Variants in ATP11A observed in about 807,000 individuals in gnomAD.
ATP11A encodes phospholipid-transporting ATPase IH.
In ATP11A, 81 loss-of-function variants were observed where a neutral mutation model predicts 154.4. The ratio of observed to expected loss-of-function variants is 0.52; its 90% CI spans 0.44 to 0.63. The LOEUF is 0.63. Among genes scored for constraint, ATP11A ranks in the 30% least tolerant of loss-of-function variants. The probability of loss-of-function intolerance (pLI) is 0.00; values close to 1 mark genes in which losing one functional copy is unlikely to be tolerated. For synonymous variants in ATP11A, 623 were observed against 585.9 expected (o/e 1.06, Z -0.91); for missense variants, 1,316 against 1,474.3 (o/e 0.89, Z 1.76).
intron 15 of ATP11A, 65 bp from the exon 16 acceptor site, chr13:112,836,113 A>G: frequency 8.1e-7 from 1 of 1,227,748 alleles, no homozygotes; most frequent in Non-Finnish European, 1.2e-6. Context: ...AGAGCTCCAC[A>G]GTTACCAGAT....
chr13:112,826,721 G>A lies in ATP11A; in HGVS notation c.1051G>A (p.Ala351Thr), dbSNP rs757961530. ...CCTCAAGGCATTCACGGACTTCCTG[G>A]CCTTCATGGTCCTCTTTAACTACAT... ...LFLKAFTDFL[A>T]FMVLFNYIIP... The change falls in exon 12 of 30, where the codon GCC becomes ACC. Residue 351 changes from alanine to threonine, a missense_variant. Ala to Thr is a moderately conservative substitution (Grantham distance 58). This residue lies in a region of ATP11A where 876 missense variants were observed against 1,006.8 expected (regional missense o/e 0.87). Coordinates refer to ENST00000375645, the MANE Select transcript of ATP11A (RefSeq NM_015205.3). The A allele has an allele frequency of 6.2e-7, 1 of 1,614,160 alleles. No homozygotes were observed. The highest frequency in any genetic ancestry group is 8.5e-7 in the Non-Finnish European group (1 of 1,180,046).
At chr13:112,782,458 C>G (rs1488576661) in intron 1 of ATP11A, among the ~76,000 whole-genome samples, 1 of 152,118 alleles carries the variant, frequency 6.6e-6, no homozygotes, top group Non-Finnish European at 1.5e-5. Flanking sequence ...CACTTATATT[C>G]TTATTCAGTG....
chr13:112,823,271 C>T (rs760797953), intron 8 of ATP11A, 74 bp from the exon 9 acceptor site: 73 of 1,127,950 alleles, frequency 6.5e-5, no homozygotes, highest in Middle Eastern at 4.0e-4. Flanking sequence ...GTGGGTTTCA[C>T]GTCTGCCTCT....
At chr13:112,737,267 A>G (rs1891087051) in intron 1 of ATP11A, among the ~76,000 whole-genome samples, 2 of 152,296 alleles carry the variant, frequency 1.3e-5, no homozygotes, top group South Asian at 2.1e-4. Flanking sequence ...CACAGTCACA[A>G]CAGGGGCATC....
chr13:112,770,845 C>T (rs2094811), intron 1 of ATP11A, among the ~76,000 whole-genome samples: 11,807 of 152,238 alleles, frequency 0.078, 1,528 homozygotes, highest in African/African-American at 0.27. Context: ...ATCTTCTGAC[C>T]ATCAAACAAG....
chr13:112,758,917 G>A (rs1242739409), intron 1 of ATP11A, among the ~76,000 whole-genome samples: 1 of 152,216 alleles, frequency 6.6e-6, no homozygotes, highest in East Asian at 1.9e-4. Context: ...ATCGGCTTTA[G>A]AACGTACAGT....
intron 1 of ATP11A, among the ~76,000 whole-genome samples, chr13:112,705,998 T>C (rs1227097054): frequency 2.6e-5 from 4 of 152,222 alleles, no homozygotes; most frequent in Non-Finnish European, 5.9e-5. Context: ...TCCAGATCTT[T>C]TTCATCATCC....
rs748209468 is a variant in ATP11A, at chr13:112,858,130, A to G, written c.2522-15A>G. 1.7e-5 allele frequency: 27 copies of G among 1,610,386 alleles called. No homozygotes were observed. Among genetic ancestry groups the G allele is most frequent in the Non-Finnish European group, 2.2e-5 (26 of 1,177,792 alleles). ...CAGAAAGCATTTCTTCAGCTCCTTC[A>G]CCTCCGTCTTCTAGGTGTCATCGGC... On this transcript the variant is annotated splice_polypyrimidine_tract_variant and intron_variant, in intron 21 of 29. Transcript: ENST00000375645.
chr13:112,843,595 C>T (rs1183592361), intron 17 of ATP11A, among the ~76,000 whole-genome samples: 1 of 152,206 alleles, frequency 6.6e-6, no homozygotes, highest in Non-Finnish European at 1.5e-5. Flanking sequence ...CCAAGGAAGG[C>T]TGAACCGAGA....
chr13:112,819,480 A>G, intron 7 of ATP11A, 73 bp downstream of exon 7: 1 of 1,301,944 alleles, frequency 7.7e-7, no homozygotes, highest in Non-Finnish European at 1.1e-6. Context: ...TTTCACCCCA[A>G]GTAGTCCAGC....
intron 1 of ATP11A, among the ~76,000 whole-genome samples, chr13:112,767,636 G>A (rs542323290): frequency 1.3e-5 from 2 of 148,520 alleles, no homozygotes; most frequent in South Asian, 2.1e-4. Context: ...TTTTGAAAGG[G>A]GTGTGTGACT....
intron 2 of ATP11A, among the ~76,000 whole-genome samples, chr13:112,786,833 G>T (rs140249377): frequency 6.6e-6 from 1 of 152,266 alleles, no homozygotes; most frequent in Non-Finnish European, 1.5e-5. Context: ...GTGTCCTGCC[G>T]TGTAAACTTC....
intron 1 of ATP11A, among the ~76,000 whole-genome samples, chr13:112,706,384 A>G (rs1434639546): frequency 1.3e-5 from 2 of 152,242 alleles, no homozygotes; most frequent in Admixed American, 6.5e-5. Context: ...AGCAGGCAGG[A>G]CATTTAAATC....
rs545278396 is a variant in ATP11A, at chr13:112,771,652, G to A, written c.40-13483G>A. Among the ~76,000 whole-genome samples the A allele has an allele frequency of 2.7e-4, 41 of 152,308 alleles. 1 individual carries two copies. The South Asian group carries it at 6.6e-3, about 25-fold the overall frequency. ...ACATGCACTTGTGTCTTTCTGTAGT[G>A]TGAGGCCTTTGTTGACGTTATTTCA... On this transcript the variant is annotated intron_variant, in intron 1 of 29. Coordinates refer to ENST00000375645, the MANE Select transcript of ATP11A (RefSeq NM_015205.3).
intron 29 of ATP11A, among the ~76,000 whole-genome samples, chr13:112,879,826 C>A (rs1292398638): frequency 6.6e-6 from 1 of 152,230 alleles, no homozygotes; most frequent in Non-Finnish European, 1.5e-5. Flanking sequence ...TTTCTTTTAA[C>A]CTGTTCCTAC....
At chr13:112,880,881 C>A in intron 29 of ATP11A, 19 of 1,022,388 alleles carry the variant, frequency 1.9e-5, no homozygotes, top group Non-Finnish European at 2.2e-5. Flanking sequence ...TCACCCCACA[C>A]GCACGGCACA....
intron 9 of ATP11A, among the ~76,000 whole-genome samples, chr13:112,823,996 T>A (rs2078866798): frequency 6.6e-6 from 1 of 152,234 alleles, no homozygotes; most frequent in Non-Finnish European, 1.5e-5. Flanking sequence ...TTATCGTCTG[T>A]ATTTTGTATC....
chr13:112,774,420 A>T (rs543074718), intron 1 of ATP11A, among the ~76,000 whole-genome samples: 1 of 152,332 alleles, frequency 6.6e-6, no homozygotes, highest in Non-Finnish European at 1.5e-5. Flanking sequence ...CCTGTTTATT[A>T]TATTTGGAGA....
intron 25 of ATP11A, among the ~76,000 whole-genome samples, chr13:112,866,253 G>A (rs147219116): frequency 8.5e-5 from 13 of 152,236 alleles, no homozygotes; most frequent in Middle Eastern, 3.4e-3. Context: ...ATTTTCAAAC[G>A]TGAATTCCTG....
Sources: gnomAD v4.1 joint callset for allele counts (sites outside exome capture counted in the v4.1 genomes callset) on GRCh38, gnomAD v4.1.1 for gene constraint, gnomAD v4.1.1 regional missense constraint, MANE v1.5 for transcripts, NCBI Gene and HGNC (gene_info 2026-07-23, HGNC 2026-07-21) for gene names.